MARCHF3: variants seen among roughly 807,000 people sequenced by gnomAD.
MARCHF3 encodes the protein membrane associated ring-CH-type finger 3.
A neutral mutation model predicts 24.2 loss-of-function variants in MARCHF3; 13 were observed. The observed-to-expected ratio is 0.54, with a 90% CI of 0.35 to 0.85. The LOEUF (loss-of-function observed/expected upper bound fraction) is 0.85. Ranked by LOEUF, MARCHF3 falls within the 40% of genes least tolerant of loss-of-function variation. MARCHF3 has a pLI of 0.01. For missense variants in MARCHF3, 276 were observed against 325.0 expected (o/e 0.85, Z 1.16); for synonymous variants, 144 against 137.3 (o/e 1.05, Z -0.34).
intron 1 of MARCHF3, among the ~76,000 whole-genome samples, chr5:126,951,888 C>T (rs1193729974): frequency 6.6e-6 from 1 of 152,008 alleles, no homozygotes; most frequent in East Asian, 1.9e-4. Context: ...CTTTTGTTGC[C>T]CAGGCTGGAG....
chr5:126,979,665 G>A (rs1255529077), intron 1 of MARCHF3, among the ~76,000 whole-genome samples: 2 of 152,154 alleles, frequency 1.3e-5, no homozygotes, highest in East Asian at 1.9e-4. Context: ...AAATGAAAGT[G>A]AGGCCAGGCG....
At chr5:126,971,125 G>A (rs921146698) in intron 1 of MARCHF3, among the ~76,000 whole-genome samples, 36 of 152,170 alleles carry the variant, frequency 2.4e-4, no homozygotes, top group South Asian at 1.2e-3. Flanking sequence ...AACTAATTAC[G>A]TTTGGAGAGA....
At position 126,896,601 on chromosome 5, in the gene MARCHF3, T is replaced by C. The variant is rs139481099; in HGVS notation, c.394-18207A>G. Among the ~76,000 whole-genome samples the C allele has an allele frequency of 5.2e-3, 789 of 152,222 alleles. 4 individuals carry two copies. The highest frequency in any genetic ancestry group is 8.4e-3 in the Non-Finnish European group (572 of 68,032). On this transcript the variant is annotated intron_variant, in intron 3 of 4. Coordinates refer to ENST00000308660, the MANE Select transcript of MARCHF3 (RefSeq NM_178450.5). ...ATAACTAGCCCAGTCTCTGTCTATA[T>C]GTATAACTGAAGCACCAGCTCTCCC...
chr5:127,000,767 C>T lies in MARCHF3; in HGVS notation c.-57+29583G>A, dbSNP rs543120838. Among the ~76,000 whole-genome samples, 4 of 152,004 alleles carry T rather than the reference C, an allele frequency of 2.6e-5. No individual in the cohort carries two copies. The South Asian group carries it at 6.2e-4, about 24-fold the overall frequency. On this transcript the variant is annotated intron_variant, in intron 1 of 4. Transcript: ENST00000308660. The stretch of plus-strand genomic sequence containing the variant: ...AGGCTGGAGTGCAGTGGCGCTATCT[C>T]GGCTCACTGCAAGCTCCACCTCCCG...
intron 1 of MARCHF3, among the ~76,000 whole-genome samples, chr5:126,932,897 T>C (rs1345363794): frequency 6.6e-6 from 1 of 152,184 alleles, no homozygotes; most frequent in African/African-American, 2.4e-5. Flanking sequence ...TATTTTTTTC[T>C]GGGGAAGAGA....
intron 1 of MARCHF3, among the ~76,000 whole-genome samples, chr5:126,998,354 C>T (rs192517072): frequency 4.0e-4 from 61 of 152,320 alleles, no homozygotes; most frequent in Admixed American, 1.0e-3. Context: ...ACACCAAGTT[C>T]CTGGTCCCTT....
chr5:127,006,023 G>A (rs189021655), intron 1 of MARCHF3, among the ~76,000 whole-genome samples: 97 of 152,056 alleles, frequency 6.4e-4, no homozygotes, highest in Non-Finnish European at 1.2e-3. Flanking sequence ...CCAACATGGT[G>A]AAACCCCATC....
At chr5:126,876,156 C>T (rs915903344) in intron 4 of MARCHF3, among the ~76,000 whole-genome samples, 1 of 152,148 alleles carries the variant, frequency 6.6e-6, no homozygotes, top group East Asian at 1.9e-4. Context: ...GATAACCTTT[C>T]TTTTCTTCCT....
At chr5:126,997,495 G>A (rs1374799972) in intron 1 of MARCHF3, among the ~76,000 whole-genome samples, 1 of 152,152 alleles carries the variant, frequency 6.6e-6, no homozygotes, top group Non-Finnish European at 1.5e-5. Flanking sequence ...TGCTGCCTGA[G>A]GGAGGCTGGA....
At chr5:126,881,268 A>G (rs1753332201) in intron 3 of MARCHF3, among the ~76,000 whole-genome samples, 1 of 152,166 alleles carries the variant, frequency 6.6e-6, no homozygotes, top group Non-Finnish European at 1.5e-5. Context: ...GGAGTACTTT[A>G]CATGGTACTA....
intron 1 of MARCHF3, among the ~76,000 whole-genome samples, chr5:127,002,154 A>C (rs1419346509): frequency 6.6e-6 from 1 of 152,236 alleles, no homozygotes; most frequent in Non-Finnish European, 1.5e-5. Flanking sequence ...AGCCACCAGG[A>C]AGACGTTAAC....
In MARCHF3 at chr5:126,951,259, C is replaced by A. The variant is rs115755518; in HGVS notation, c.-56-33032G>T. Among the ~76,000 whole-genome samples, 426 of 152,260 alleles carry A rather than the reference C, an allele frequency of 2.8e-3. 4 individuals carry two copies. The highest frequency in any genetic ancestry group is 9.9e-3 in the African/African-American group (410 of 41,520). On this transcript the variant is annotated intron_variant, in intron 1 of 4. Coordinates refer to ENST00000308660, the MANE Select transcript of MARCHF3 (RefSeq NM_178450.5). ...ACTGATGCTCTTTACTAGTTCCTCC[C>A]ATTCTCACTATCATCTTATGCTACA... is the stretch of plus-strand genomic sequence containing the variant.
At chr5:126,980,803 C>T (rs1751368227) in intron 1 of MARCHF3, among the ~76,000 whole-genome samples, 1 of 152,192 alleles carries the variant, frequency 6.6e-6, no homozygotes, top group African/African-American at 2.4e-5. Flanking sequence ...GTGTGGCATA[C>T]TATAGGCATG....
intron 1 of MARCHF3, among the ~76,000 whole-genome samples, chr5:126,977,971 C>A (rs1048665398): frequency 5.9e-5 from 9 of 152,042 alleles, no homozygotes; most frequent in African/African-American, 2.2e-4. Flanking sequence ...TATGAGAAAG[C>A]AAAATTGGAG....
rs759577287 is a variant in MARCHF3 at position 126,897,045 on chromosome 5, A to ATTTTTTTTTTTTTTTTTTTTTTTTTT, written c.393+17884_393+17885insAAAAAAAAAAAAAAAAAAAAAAAAAA. On this transcript the variant is annotated intron_variant, in intron 3 of 4. Transcript: ENST00000308660. ...CAATCCAACTTTCTGAAGTTTGAGAATTTTTTTTTTTGAGATGGAGTTTCA... is the reference window on the plus strand; with the variant it reads ...CAATCCAACTTTCTGAAGTTTGAGAATTTTTTTTTTTTTTTTTTTTTTTTTTTTTTTTTTTTTGAGATGGAGTTTCA... 5.2e-5 allele frequency among the ~76,000 whole-genome samples: 6 copies of ATTTTTTTTTTTTTTTTTTTTTTTTTT among 116,450 alleles called. 1 individual carries two copies. Among genetic ancestry groups the ATTTTTTTTTTTTTTTTTTTTTTTTTT allele is most frequent in the African/African-American group, 2.2e-4 (6 of 27,830 alleles). The allele number at this position is 116,450 out of a possible 152,430, so 76.4% of individuals were successfully genotyped here. A position where few individuals can be genotyped will look rare whatever the true frequency, so the allele number is the denominator to read the frequency against.
intron 2 of MARCHF3, among the ~76,000 whole-genome samples, chr5:126,916,692 G>GAC (rs34090036): frequency 0.041 from 5,312 of 130,442 alleles, 118 homozygotes; most frequent in South Asian, 0.054. Flanking sequence ...CAGACAGACA[G>GAC]ACACACACAC....
At chr5:126,929,048 A>G (rs551362996) in intron 1 of MARCHF3, among the ~76,000 whole-genome samples, 22 of 152,322 alleles carry the variant, frequency 1.4e-4, no homozygotes, top group Non-Finnish European at 2.9e-4. Flanking sequence ...TAAATGGCCC[A>G]AACAAGTTGT....
intron 1 of MARCHF3, among the ~76,000 whole-genome samples, chr5:127,015,381 G>A (rs1233707175): frequency 6.6e-6 from 1 of 152,152 alleles, no homozygotes; most frequent in African/African-American, 2.4e-5. Flanking sequence ...GCAGGGAGGA[G>A]GGGAAAGTGA....
chr5:126,896,014 C>G (rs187803870), intron 3 of MARCHF3, among the ~76,000 whole-genome samples: 4 of 152,088 alleles, frequency 2.6e-5, no homozygotes, highest in African/African-American at 9.7e-5. Context: ...TAATCTGGTG[C>G]GCCGTTTTTT....
Sources: gnomAD v4.1 joint callset for allele counts (sites outside exome capture counted in the v4.1 genomes callset) on GRCh38, gnomAD v4.1.1 for gene constraint, MANE v1.5 for transcripts, NCBI Gene and HGNC (gene_info 2026-07-23, HGNC 2026-07-21) for gene names.